TAF2: variants seen among roughly 807,000 people sequenced by gnomAD.
The protein encoded by TAF2 is transcription initiation factor TFIID subunit 2.
In TAF2, 61 loss-of-function variants were observed where a neutral mutation model predicts 138.5. The observed-to-expected ratio is 0.44, with a 90% CI of 0.36 to 0.54. The LOEUF is 0.54. Ranked by LOEUF, TAF2 falls within the 20% of genes least tolerant of loss-of-function variation. TAF2 has a pLI of 0.00. For synonymous variants in TAF2, 475 were observed against 469.9 expected (o/e 1.01, Z -0.14); for missense variants, 1,090 against 1,427.9 (o/e 0.76, Z 3.81).
At chr8:119,743,394 T>C (rs1458904681) in intron 24 of TAF2, among the ~76,000 whole-genome samples, 3 of 151,294 alleles carry the variant, frequency 2.0e-5, no homozygotes, top group African/African-American at 7.3e-5. Flanking sequence ...AAATGCAATA[T>C]AGTAGTTACT....
intron 17 of TAF2, among the ~76,000 whole-genome samples, chr8:119,778,786 A>G (rs1431756682): frequency 6.6e-6 from 1 of 152,196 alleles, no homozygotes; most frequent in Non-Finnish European, 1.5e-5. Flanking sequence ...CAACATTTTT[A>G]AGAATGTAGA....
At chr8:119,734,008 T>C (rs191607552) in intron 25 of TAF2, among the ~76,000 whole-genome samples, 1 of 152,272 alleles carries the variant, frequency 6.6e-6, no homozygotes, top group Non-Finnish European at 1.5e-5. Context: ...TACTTGGCAA[T>C]GTTCAGAGAC....
At position 119,826,651 on chromosome 8, in the gene TAF2, T is replaced by C. The variant is rs183060864; in HGVS notation, c.138+5026A>G. ...TGTTGTCCAGGCTGGAGTGCAGCAG[T>C]GCGATTTCGGCTCGCTGGAACCTCC... On this transcript the variant is annotated intron_variant, in intron 2 of 25. Transcript: ENST00000378164. Among the ~76,000 whole-genome samples the C allele has an allele frequency of 4.7e-3, 708 of 152,036 alleles. 4 individuals are homozygous for C. Among genetic ancestry groups the C allele is most frequent in the African/African-American group, 0.017 (686 of 41,464 alleles).
Position 119,831,672 on chromosome 8 carries a change from C to T in TAF2, c.138+5G>A. The T allele has an allele frequency of 1.2e-6, 2 of 1,601,616 alleles. No homozygotes were observed. Among genetic ancestry groups the T allele is most frequent in the Non-Finnish European group, 1.7e-6 (2 of 1,170,848 alleles). The stretch of plus-strand genomic sequence containing the variant: ...ACTATTTATAATTGTTGAGAATAAA[C>T]TTACCACAACAGATTTTCTCTGGAA... On this transcript the variant is annotated splice_donor_5th_base_variant and intron_variant, in intron 2 of 25. Transcript: ENST00000378164.
intron 18 of TAF2, among the ~76,000 whole-genome samples, chr8:119,764,303 G>A (rs757896789): frequency 6.6e-5 from 10 of 152,022 alleles, no homozygotes; most frequent in Non-Finnish European, 1.3e-4. Context: ...TTGCATTTAC[G>A]CTATCCTTAG....
chr8:119,791,837 A>G (rs1206957936), intron 10 of TAF2: 1 of 153,980 alleles, frequency 6.5e-6, no homozygotes, highest in Admixed American at 6.5e-5. Context: ...ACCATTATAA[A>G]AGTACTAAAA....
In TAF2 at chr8:119,731,628, C is replaced by T. The variant is rs949155746; in HGVS notation, c.*296G>A. 8.1e-5 allele frequency: 33 copies of T among 406,698 alleles called. No individual in the cohort carries two copies. The highest frequency in any genetic ancestry group is 1.0e-4 in the African/African-American group (5 of 49,484). 25.2% of individuals were successfully genotyped at this position (406,698 alleles called of 1,614,324 possible). A position where few individuals can be genotyped will look rare whatever the true frequency, so the allele number is the denominator to read the frequency against. On this transcript the variant is annotated 3_prime_UTR_variant, in exon 26 of 26. Transcript: ENST00000378164. ...GTACACATGGAGACCATGATGCGAACGGGGACTGCCAGTGGATATGAGGGC... is the reference window on the plus strand; with the variant it reads ...GTACACATGGAGACCATGATGCGAATGGGGACTGCCAGTGGATATGAGGGC...
intron 14 of TAF2, among the ~76,000 whole-genome samples, chr8:119,786,835 T>C (rs1042383704): frequency 2.0e-5 from 3 of 152,062 alleles, no homozygotes; most frequent in Admixed American, 6.6e-5. Context: ...CACAGGAGAA[T>C]TGCTTGAACC....
chr8:119,827,952 C>A (rs1242287967), intron 2 of TAF2, among the ~76,000 whole-genome samples: 2 of 152,058 alleles, frequency 1.3e-5, no homozygotes, highest in Non-Finnish European at 2.9e-5. Context: ...ACTGTGTTGG[C>A]CAGGTTGGTC....
chr8:119,810,975 T>G (rs1263715716), intron 3 of TAF2, among the ~76,000 whole-genome samples: 2 of 152,184 alleles, frequency 1.3e-5, no homozygotes, highest in South Asian at 4.1e-4. Flanking sequence ...TGGTTTAGAT[T>G]TCAATACACA....
intron 7 of TAF2, 26 bp from the exon 8 acceptor site, chr8:119,797,129 C>A: frequency 6.9e-7 from 1 of 1,445,592 alleles, no homozygotes; most frequent in Non-Finnish European, 9.7e-7. Flanking sequence ...GAAGAAAGCT[C>A]ATTATAACCA....
chr8:119,793,346 T>G lies in TAF2; in HGVS notation c.1277+20A>C. The G allele has an allele frequency of 6.3e-7, 1 of 1,580,190 alleles. No individual in the cohort carries two copies. The highest frequency in any genetic ancestry group is 8.7e-7 in the Non-Finnish European group (1 of 1,149,578). On this transcript the variant is annotated intron_variant, in intron 10 of 25. Transcript: ENST00000378164. ...TATATAGTCAAGGTTTATAATATCA[T>G]CTCTGAACAATAAACATACTTATCC...
intron 20 of TAF2, 55 bp downstream of exon 20, chr8:119,760,543 TA>T (rs34507741): frequency 6.3e-7 from 1 of 1,598,812 alleles, no homozygotes. Context: ...ACACTGGCTT[TA>T]AAAAGTAAAT....
chr8:119,806,201 T>A, intron 4 of TAF2, 82 bp downstream of exon 4: 1 of 1,153,468 alleles, frequency 8.7e-7, no homozygotes, highest in Non-Finnish European at 1.3e-6. Flanking sequence ...AGTGCCTGCA[T>A]CATTAGTTCT....
At chr8:119,743,509 C>T (rs1363631983) in intron 24 of TAF2, among the ~76,000 whole-genome samples, 2 of 152,082 alleles carry the variant, frequency 1.3e-5, no homozygotes, top group African/African-American at 2.4e-5. Context: ...TACACAGATA[C>T]TTGCTTTATT....
At chr8:119,766,477 T>C (rs537866519) in intron 18 of TAF2, among the ~76,000 whole-genome samples, 23 of 152,344 alleles carry the variant, frequency 1.5e-4, no homozygotes, top group African/African-American at 5.5e-4. Context: ...TGAATAAGGC[T>C]GGATAGTCTA....
chr8:119,824,851 T>C (rs1346779113), intron 2 of TAF2, among the ~76,000 whole-genome samples: 1 of 152,148 alleles, frequency 6.6e-6, no homozygotes, highest in African/African-American at 2.4e-5. Context: ...TTTCAGAAGA[T>C]GTATGGAAAT....
At chr8:119,737,411 C>T (rs1362980650) in intron 25 of TAF2, among the ~76,000 whole-genome samples, 1 of 151,820 alleles carries the variant, frequency 6.6e-6, no homozygotes, top group Non-Finnish European at 1.5e-5. Flanking sequence ...TGACCATGAA[C>T]CAATTATTAT....
intron 19 of TAF2, 97 bp from the exon 20 acceptor site, chr8:119,760,835 A>T: frequency 6.6e-7 from 1 of 1,517,736 alleles, no homozygotes; most frequent in Non-Finnish European, 9.1e-7. Flanking sequence ...CAATCAATTT[A>T]AAAACTGATG....
Sources: gnomAD v4.1 joint callset for allele counts (sites outside exome capture counted in the v4.1 genomes callset) on GRCh38, gnomAD v4.1.1 for gene constraint, MANE v1.5 for transcripts, NCBI Gene and HGNC (gene_info 2026-07-23, HGNC 2026-07-21) for gene names.